PDZD2: variants seen among roughly 807,000 people sequenced by gnomAD.
PDZD2 encodes PDZ domain-containing protein 2.
Under a neutral mutation model 220.7 loss-of-function variants are expected in PDZD2, and 90 were observed. The observed-to-expected ratio is 0.41, with a 90% confidence interval of 0.34 to 0.49. PDZD2 has a LOEUF of 0.49. Among genes scored for constraint, PDZD2 ranks in the 20% least tolerant of loss-of-function variants. The pLI, the probability that PDZD2 is intolerant of heterozygous loss-of-function variation, is 0.28. For synonymous variants in PDZD2, 1,375 were observed against 1,450.5 expected, an observed-to-expected ratio of 0.95 and a Z score of 1.18; for missense variants, 3,174 against 3,608.5, an observed-to-expected ratio of 0.88 and a Z score of 3.08.
At chr5:31,721,581 T>A (rs1748798352) in intron 1 of PDZD2, among the ~76,000 whole-genome samples, 1 of 148,452 alleles carries the variant, frequency 6.7e-6, no homozygotes, top group Admixed American at 6.9e-5. Flanking sequence ...AAGGATAAAG[T>A]GAAACGTACA....
In PDZD2 at chr5:31,639,141, G is replaced by A. The variant is rs1744835682; in HGVS notation, c.-657G>A. On this transcript the variant is annotated 5_prime_UTR_variant, in exon 1 of 25. Transcript: ENST00000438447. This position sits in a 1 kb window ranked among gnomAD's most constrained non-coding sequence, Gnocchi z 4.1. ...TCCCCGCCCATCCTGGAGGCTCGGC[G>A]GATCCCCTGCGCAGCGAGGCGAGGA... Among the ~76,000 whole-genome samples, 1 of 152,112 alleles carries A rather than the reference G, an allele frequency of 6.6e-6. No homozygotes were observed. The highest frequency in any genetic ancestry group is 2.4e-5 in the African/African-American group (1 of 41,452).
At chr5:32,008,297 T>C (rs1048548711) in intron 5 of PDZD2, among the ~76,000 whole-genome samples, 7 of 150,204 alleles carry the variant, frequency 4.7e-5, no homozygotes, top group South Asian at 2.1e-4. Flanking sequence ...TTTTTTTTTT[T>C]TTTCTTTTTT....
intron 7 of PDZD2, among the ~76,000 whole-genome samples, chr5:32,047,881 G>A (rs545853267): frequency 5.0e-4 from 76 of 152,332 alleles, no homozygotes; most frequent in African/African-American, 1.8e-3. Flanking sequence ...AGCATGTGTT[G>A]TGTGTATTCA....
chr5:31,975,794 T>TTTTTG, intron 2 of PDZD2, among the ~76,000 whole-genome samples: 1 of 20,860 alleles, frequency 4.8e-5, no homozygotes, highest in Non-Finnish European at 9.3e-5. Context: ...TATCAGTCAC[T>TTTTTG]TTTTTTTTAT....
chr5:32,057,456 G>A (rs1739194655), intron 10 of PDZD2, among the ~76,000 whole-genome samples, 199 bp from the exon 11 acceptor site: 1 of 152,206 alleles, frequency 6.6e-6, no homozygotes, highest in African/African-American at 2.4e-5. Context: ...TTGAAATACA[G>A]AATTACTGCA....
chr5:31,702,460 G>A (rs1448865633), intron 1 of PDZD2, among the ~76,000 whole-genome samples: 3 of 152,182 alleles, frequency 2.0e-5, no homozygotes, highest in Admixed American at 1.3e-4. Flanking sequence ...TGCCCATACA[G>A]TTCCCAAGGA....
intron 14 of PDZD2, among the ~76,000 whole-genome samples, chr5:32,062,459 T>C (rs1019717052): frequency 6.7e-6 from 1 of 150,222 alleles, no homozygotes; most frequent in Non-Finnish European, 1.5e-5. Context: ...AATGGCACAA[T>C]CATGGCTCAC....
intron 2 of PDZD2, chr5:31,823,199 G>A (rs939589466): frequency 1.1e-5 from 4 of 368,312 alleles, no homozygotes; most frequent in Non-Finnish European, 2.0e-5. Context: ...ATCTTTTGTG[G>A]CTCACGCCTG....
At chr5:31,690,039 A>T (rs1396546498) in intron 1 of PDZD2, among the ~76,000 whole-genome samples, 1 of 152,108 alleles carries the variant, frequency 6.6e-6, no homozygotes, top group East Asian at 1.9e-4. Context: ...TCATTCCCTG[A>T]CTTTTACAAA....
intron 1 of PDZD2, among the ~76,000 whole-genome samples, chr5:31,684,878 C>CCTTT (rs1389592122): frequency 6.6e-6 from 1 of 152,136 alleles, no homozygotes; most frequent in Admixed American, 6.5e-5. Flanking sequence ...CCCCCGTTGC[C>CCTTT]CTTTATCTCA....
At chr5:31,760,317 A>G (rs1490340978) in intron 1 of PDZD2, among the ~76,000 whole-genome samples, 1 of 152,226 alleles carries the variant, frequency 6.6e-6, no homozygotes, top group African/African-American at 2.4e-5. Flanking sequence ...AAATAATTTC[A>G]GGAGTTGCAT....
chr5:32,072,501 C>CG, intron 17 of PDZD2, among the ~76,000 whole-genome samples, 184 bp downstream of exon 17: 1 of 152,230 alleles, frequency 6.6e-6, no homozygotes, highest in African/African-American at 2.4e-5. Flanking sequence ...GAGGCCGAGG[C>CG]GGGGGGATCA....
At chr5:31,870,454 A>G (rs1738684613) in intron 2 of PDZD2, among the ~76,000 whole-genome samples, 1 of 152,236 alleles carries the variant, frequency 6.6e-6, no homozygotes, top group African/African-American at 2.4e-5. Flanking sequence ...TGGATGCTTT[A>G]GAGGTCAGCT....
chr5:31,696,986 G>A (rs538562016), intron 1 of PDZD2, among the ~76,000 whole-genome samples: 1 of 152,342 alleles, frequency 6.6e-6, no homozygotes, highest in South Asian at 2.1e-4. Flanking sequence ...TCCACTGCCA[G>A]AGACTTCAGA....
chr5:32,082,307 C>T (rs2112442266), intron 19 of PDZD2, among the ~76,000 whole-genome samples: 1 of 152,284 alleles, frequency 6.6e-6, no homozygotes, highest in South Asian at 2.1e-4. Context: ...CAGGCATAAG[C>T]CGCTGCGCCT....
chr5:31,773,381 GT>G (rs1454205046), intron 1 of PDZD2, among the ~76,000 whole-genome samples: 1 of 151,812 alleles, frequency 6.6e-6, no homozygotes, highest in Non-Finnish European at 1.5e-5. Flanking sequence ...GCTCATGCCT[GT>G]AATCCCAGCC....
At chr5:31,986,693 G>T (rs1023026983) in intron 3 of PDZD2, among the ~76,000 whole-genome samples, 6 of 152,150 alleles carry the variant, frequency 3.9e-5, no homozygotes, top group African/African-American at 1.4e-4. Flanking sequence ...AATAATGGGA[G>T]ATTAAACATG....
At position 32,057,722 on chromosome 5, in the gene PDZD2, C is replaced by A; in HGVS notation, c.1968C>A (p.Thr656=). The change falls in exon 11 of 25, where the codon ACC becomes ACA. Residue 656 remains threonine (T), a synonymous_variant. Transcript: ENST00000438447. ...TGACATTTCAAGAAGCCATTCATAC[C>A]TTTAAGGTAACAACATTCTTATTGA... ...KGLTFQEAIH[T]FKQIRSGLFV... is the part of the protein sequence containing the mutation. 1 of 1,572,824 alleles carries A rather than the reference C, an allele frequency of 6.4e-7. No individual in the cohort carries two copies. Among genetic ancestry groups the A allele is most frequent in the Non-Finnish European group, 8.7e-7 (1 of 1,144,238 alleles).
chr5:32,027,925 T>C (rs1350713504), intron 6 of PDZD2, among the ~76,000 whole-genome samples: 1 of 152,042 alleles, frequency 6.6e-6, no homozygotes, highest in Non-Finnish European at 1.5e-5. Flanking sequence ...TTAGTGTGAC[T>C]GAAGCCTGAA....
Sources: allele counts gnomAD v4.1 joint callset (sites outside exome capture counted in the v4.1 genomes callset), GRCh38; gene constraint gnomAD v4.1.1; non-coding constraint Gnocchi (gnomAD v3.1); transcripts MANE v1.5; gene names NCBI Gene and HGNC (gene_info 2026-07-23, HGNC 2026-07-21).